Variants in NLRC4 observed in about 807,000 individuals in gnomAD.
NLRC4 encodes NLR family CARD domain-containing protein 4.
A neutral mutation model predicts 79.9 loss-of-function variants in NLRC4; 63 were observed. That is an observed-to-expected ratio of 0.79 (90% confidence interval 0.64 to 0.97). The LOEUF (loss-of-function observed/expected upper bound fraction) is 0.97. Among genes scored for constraint, NLRC4 ranks in the 50% least tolerant of loss-of-function variants. The pLI, the probability that NLRC4 is intolerant of heterozygous loss-of-function variation, is 0.00. For synonymous variants in NLRC4, 461 were observed against 456.5 expected, an observed-to-expected ratio of 1.01 and a Z score of -0.12; for missense variants, 1,074 against 1,215.2, an observed-to-expected ratio of 0.88 and a Z score of 1.73.
chr2:32,257,641 G>A (rs1217522403), intron 1 of NLRC4, among the ~76,000 whole-genome samples: 1 of 150,162 alleles, frequency 6.7e-6, no homozygotes, highest in Non-Finnish European at 1.5e-5. Context: ...GGATAAGTAA[G>A]ATGAGGCCAG....
intron 5 of NLRC4, 132 bp from the exon 6 acceptor site, chr2:32,238,434 G>C (rs1686721293): frequency 1.4e-6 from 1 of 722,610 alleles, no homozygotes; most frequent in South Asian, 2.0e-5. Context: ...GCGACTTTAA[G>C]TTACAAAGAA....
In NLRC4 at chr2:32,251,102, C is replaced by T; in HGVS notation, c.762G>A (p.Lys254=). The change falls in exon 4 of 9, where the codon AAG becomes AAA. Residue 254 remains lysine, a synonymous_variant. Coordinates refer to ENST00000402280, the MANE Select transcript of NLRC4 (RefSeq NM_001199138.2). ...CTTCGATTTCTGGGCAGTTCTGGGGCTTGAATTCATTGTAGCCATCAAGAA... is the reference window on the plus strand; with the variant it reads ...CTTCGATTTCTGGGCAGTTCTGGGGTTTGAATTCATTGTAGCCATCAAGAA... ...LFLLDGYNEF[K]PQNCPEIEAL... 6.2e-7 allele frequency: 1 copy of T among 1,614,162 alleles called. No homozygotes were observed. Among genetic ancestry groups the T allele is most frequent in the South Asian group, 1.1e-5 (1 of 91,080 alleles).
At chr2:32,236,011 G>T (rs950530204) in intron 7 of NLRC4, among the ~76,000 whole-genome samples, 2 of 152,132 alleles carry the variant, frequency 1.3e-5, no homozygotes, top group Admixed American at 6.5e-5. Flanking sequence ...TTCAAAGGAG[G>T]AAAGCAGGTG....
chr2:32,263,601 CTGT>C lies in NLRC4; in HGVS notation c.-119+1134_-119+1136del, dbSNP rs201432794. ...AAGAGGTCATTAAGCTCAAATGAGG[CTGT>C]TATGAGAAGAGGAAATCGGGACACA... On this transcript the variant is annotated intron_variant, in intron 1 of 8. Coordinates refer to ENST00000402280, the MANE Select transcript of NLRC4 (RefSeq NM_001199138.2). 8.6e-3 allele frequency among the ~76,000 whole-genome samples: 1,306 copies of C among 152,140 alleles called. 17 individuals are homozygous for C. Among genetic ancestry groups the C allele is most frequent in the African/African-American group, 0.03 (1,248 of 41,500 alleles).
chr2:32,256,092 A>G (rs1221634046), intron 2 of NLRC4, among the ~76,000 whole-genome samples: 3 of 152,132 alleles, frequency 2.0e-5, no homozygotes, highest in African/African-American at 4.8e-5. Context: ...ATCTCCTTGT[A>G]TGTAGACCAT....
intron 2 of NLRC4, among the ~76,000 whole-genome samples, chr2:32,253,260 C>T (rs1001880761): frequency 1.7e-4 from 26 of 151,870 alleles, no homozygotes; most frequent in African/African-American, 6.3e-4. Context: ...AGCAATTCTC[C>T]TGCCTCCGCC....
chr2:32,239,597 G>A (rs1686749803), intron 5 of NLRC4, among the ~76,000 whole-genome samples: 1 of 152,122 alleles, frequency 6.6e-6, no homozygotes, highest in Non-Finnish European at 1.5e-5. Context: ...AATGGAATGA[G>A]GTATATAAAA....
intron 3 of NLRC4, among the ~76,000 whole-genome samples, 176 bp from the exon 4 acceptor site, chr2:32,251,777 C>A (rs1687084540): frequency 6.6e-6 from 1 of 152,150 alleles, no homozygotes; most frequent in African/African-American, 2.4e-5. Flanking sequence ...TCCCCAGCAT[C>A]CTTTACCCCA....
chr2:32,238,093 T>A, intron 6 of NLRC4, 39 bp downstream of exon 6: 2 of 1,524,384 alleles, frequency 1.3e-6, no homozygotes, highest in East Asian at 4.5e-5. Flanking sequence ...ACATGTTCTG[T>A]TATACTGTCC....
rs77240400 is a variant in NLRC4, at chr2:32,227,858, C to T, written c.2783-3093G>A. Among the ~76,000 whole-genome samples the T allele has an allele frequency of 9.4e-3, 1,436 of 152,138 alleles. 17 individuals are homozygous for T. Among genetic ancestry groups the T allele is most frequent in the Middle Eastern group, 0.034 (10 of 294 alleles). On this transcript the variant is annotated intron_variant, in intron 8 of 8. Coordinates refer to ENST00000402280, the MANE Select transcript of NLRC4 (RefSeq NM_001199138.2). Reference sequence around the variant, plus strand: ...GAAACAGAATCCATGACATTTAGAGCCATAGGCTGTATGTGGGCTGTGGAG... The same window carrying T: ...GAAACAGAATCCATGACATTTAGAGTCATAGGCTGTATGTGGGCTGTGGAG...
At position 32,224,541 on chromosome 2, in the gene NLRC4, C is replaced by A; in HGVS notation, c.3007G>T (p.Val1003Phe). ...TCATCATCATCAAATTGCCACCCAA[C>A]AAGCCTAGCTTCTTGCAGAAAAGTT... ...KLTFLQEARL[V>F]GWQFDDDDLS... Residue 1003 changes from valine to phenylalanine, a missense_variant, in exon 9 of 9, where the codon GTT becomes TTT. Physicochemically the swap from Val to Phe is conservative, Grantham distance 50. Coordinates refer to ENST00000402280, the MANE Select transcript of NLRC4 (RefSeq NM_001199138.2). 1 of 1,613,744 alleles carries A rather than the reference C, an allele frequency of 6.2e-7. No homozygotes were observed. The highest frequency in any genetic ancestry group is 2.2e-5 in the East Asian group (1 of 44,878).
In NLRC4 at chr2:32,238,189, G is replaced by T. The variant is rs762262611; in HGVS notation, c.2464C>A (p.Leu822Ile). 10 of 1,613,722 alleles carry T rather than the reference G, an allele frequency of 6.2e-6. No homozygotes were observed. The South Asian group carries it at 8.8e-5, about 14-fold the overall frequency. The change falls in exon 6 of 9, where the codon CTT becomes ATT. Residue 822 changes from leucine to isoleucine, a missense_variant. By Grantham distance (5) the Leu-to-Ile change is conservative (BLOSUM62 2). Coordinates refer to ENST00000402280, the MANE Select transcript of NLRC4 (RefSeq NM_001199138.2). ...VKSLSSEPCDLEEIQLVSCCL... is the reference protein window; with the variant it reads ...VKSLSSEPCDIEEIQLVSCCL... ...CAGGAGACTAATTGAATTTCTTCAA[G>T]GTCACAGGGTTCACTTGACAGAGAC... is the stretch of plus-strand genomic sequence containing the variant.
Position 32,250,830 on chromosome 2 carries a change from C to G in NLRC4, c.1034G>C (p.Cys345Ser). ...CTCACTTTCACCCATCTGGATTGCA[C>G]AAGTGATGACCACAAAGAGAGGGGT... is the stretch of plus-strand genomic sequence containing the variant. ...MKTPLFVVIT[C>S]AIQMGESEFH... The change falls in exon 4 of 9, where the codon TGT becomes TCT. Residue 345 changes from cysteine (C) to serine (S), a missense_variant. By Grantham distance (112) the Cys-to-Ser change is moderately radical. Transcript: ENST00000402280. The surrounding 1 kb of genome is among the most constrained non-coding windows in gnomAD (Gnocchi z 4.9). 1 of 1,614,176 alleles carries G rather than the reference C, an allele frequency of 6.2e-7. No individual in the cohort carries two copies. Among genetic ancestry groups the G allele is most frequent in the South Asian group, 1.1e-5 (1 of 91,080 alleles).
rs771976249 is a variant in NLRC4, at chr2:32,235,468, C to T, written c.2715G>A (p.Glu905=). Reference sequence around the variant, plus strand: ...ACCCAAGCTTGACGAGTTGTGGGACCTCCTCCAAATGTTTCAACAGGCTGC... The same window carrying T: ...ACCCAAGCTTGACGAGTTGTGGGACTTCCTCCAAATGTTTCAACAGGCTGC... ...SLSSLLKHLE[E]VPQLVKLGLK... The change falls in exon 8 of 9, where the codon GAG becomes GAA. Residue 905 remains glutamate, a synonymous_variant. Coordinates refer to ENST00000402280, the MANE Select transcript of NLRC4 (RefSeq NM_001199138.2). The T allele has an allele frequency of 1.9e-6, 3 of 1,614,150 alleles. No homozygotes were observed. Among genetic ancestry groups the T allele is most frequent in the Middle Eastern group, 1.6e-4 (1 of 6,062 alleles).
intron 4 of NLRC4, among the ~76,000 whole-genome samples, chr2:32,245,120 G>C (rs1175012820): frequency 6.6e-6 from 1 of 151,944 alleles, no homozygotes; most frequent in Non-Finnish European, 1.5e-5. Flanking sequence ...GGCCAGCCTG[G>C]TCAACATGGT....
chr2:32,244,352 A>G (rs1686879973), intron 4 of NLRC4, among the ~76,000 whole-genome samples: 1 of 152,208 alleles, frequency 6.6e-6, no homozygotes, highest in Middle Eastern at 3.4e-3. Context: ...AGCACAATCC[A>G]ACACCTATTC....
intron 2 of NLRC4, among the ~76,000 whole-genome samples, chr2:32,253,015 C>CT (rs1278063543): frequency 6.7e-6 from 1 of 150,244 alleles, no homozygotes; most frequent in East Asian, 2.0e-4. Context: ...GAGACTCCGT[C>CT]TAAAAAAAAA....
intron 6 of NLRC4, among the ~76,000 whole-genome samples, chr2:32,236,571 G>A (rs212717): frequency 0.59 from 89,120 of 151,958 alleles, 26,415 homozygotes; most frequent in African/African-American, 0.6. Context: ...TCTGATTAAT[G>A]AATTCCAGGT....
intron 8 of NLRC4, among the ~76,000 whole-genome samples, chr2:32,230,400 G>C (rs1037805631): frequency 2.0e-5 from 3 of 151,906 alleles, no homozygotes; most frequent in Non-Finnish European, 4.4e-5. Context: ...CCTGACCTCA[G>C]GTGACCCACC....
Sources: gnomAD v4.1 joint callset for allele counts (sites outside exome capture counted in the v4.1 genomes callset) on GRCh38, gnomAD v4.1.1 for gene constraint, Gnocchi (gnomAD v3.1) non-coding constraint, MANE v1.5 for transcripts, NCBI Gene and HGNC (gene_info 2026-07-23, HGNC 2026-07-21) for gene names.